The following BICC1 variants were observed in gnomAD, a reference collection of about 807,000 sequenced individuals.
The protein encoded by BICC1 is protein bicaudal C homolog 1.
A neutral mutation model predicts 111.0 loss-of-function variants in BICC1; 43 were observed. That is an observed-to-expected ratio of 0.39 (90% CI 0.30 to 0.50). BICC1 has a LOEUF of 0.50. Ranked by LOEUF, BICC1 falls within the 20% of genes least tolerant of loss-of-function variation. BICC1 has a pLI of 0.88. For synonymous variants in BICC1, 467 were observed against 434.4 expected (o/e 1.07, Z -0.93); for missense variants, 1,091 against 1,203.2 (o/e 0.91, Z 1.38).
At chr10:58,817,341 A>G (rs1478418684) in intron 18 of BICC1, among the ~76,000 whole-genome samples, 2 of 152,158 alleles carry the variant, frequency 1.3e-5, no homozygotes, top group Admixed American at 1.3e-4. Context: ...TCTGCCTCCC[A>G]AGTGTAACCT....
At chr10:58,779,078 C>T (rs1232222162) in intron 3 of BICC1, among the ~76,000 whole-genome samples, 4 of 151,952 alleles carry the variant, frequency 2.6e-5, no homozygotes, top group Non-Finnish European at 5.9e-5. Context: ...GTTATTTGGC[C>T]CATGTACAGT....
intron 3 of BICC1, among the ~76,000 whole-genome samples, chr10:58,740,606 A>G (rs977034854): frequency 6.6e-6 from 1 of 152,172 alleles, no homozygotes; most frequent in African/African-American, 2.4e-5. Flanking sequence ...GAAAAGAAAA[A>G]AAACCTCTTT....
At chr10:58,732,187 G>A (rs1362123562) in intron 3 of BICC1, among the ~76,000 whole-genome samples, 1 of 150,768 alleles carries the variant, frequency 6.6e-6, no homozygotes, top group Non-Finnish European at 1.5e-5. Context: ...AGCCATTGTA[G>A]GGTTATTAAT....
At chr10:58,693,910 G>A (rs574807483) in intron 2 of BICC1, among the ~76,000 whole-genome samples, 1 of 152,166 alleles carries the variant, frequency 6.6e-6, no homozygotes, top group Non-Finnish European at 1.5e-5. Context: ...CATTGCTTTT[G>A]GTGTTTTAGA....
chr10:58,827,219 T>C (rs762282598), intron 20 of BICC1, among the ~76,000 whole-genome samples: 10 of 152,288 alleles, frequency 6.6e-5, no homozygotes, highest in Admixed American at 1.3e-4. Context: ...GAAAGGATTG[T>C]CAAGGTTGTA....
At chr10:58,573,627 T>G (rs1366356593) in intron 1 of BICC1, among the ~76,000 whole-genome samples, 2 of 152,130 alleles carry the variant, frequency 1.3e-5, no homozygotes, top group Non-Finnish European at 2.9e-5. Context: ...AATCTCGCAA[T>G]GAATTCTGCC....
At chr10:58,807,231 C>T in intron 17 of BICC1, 73 bp downstream of exon 17, 1 of 1,430,406 alleles carries the variant, frequency 7.0e-7, no homozygotes, top group South Asian at 1.4e-5. Context: ...TTCCCCCACC[C>T]TCATTCTTTA....
chr10:58,680,295 T>G (rs1307785371), intron 2 of BICC1, among the ~76,000 whole-genome samples: 1 of 152,206 alleles, frequency 6.6e-6, no homozygotes, highest in East Asian at 1.9e-4. Context: ...CCCCGTCATC[T>G]CAGCCCAAAA....
chr10:58,721,436 C>T (rs1020488741), intron 3 of BICC1, among the ~76,000 whole-genome samples: 3 of 152,082 alleles, frequency 2.0e-5, no homozygotes, highest in African/African-American at 4.8e-5. Flanking sequence ...GGGATTCTTT[C>T]CCAGGTTAAT....
chr10:58,751,661 A>G (rs1229815385), intron 3 of BICC1, among the ~76,000 whole-genome samples: 1 of 152,190 alleles, frequency 6.6e-6, no homozygotes, highest in African/African-American at 2.4e-5. Flanking sequence ...AGCCCAAAAT[A>G]TAACTGTTTC....
chr10:58,700,442 C>G (rs1406873293), intron 2 of BICC1, among the ~76,000 whole-genome samples: 1 of 152,002 alleles, frequency 6.6e-6, no homozygotes, highest in Non-Finnish European at 1.5e-5. Flanking sequence ...CTTAACTAAC[C>G]AAGTTAATGG....
chr10:58,820,357 T>C lies in BICC1; in HGVS notation c.2695-12T>C. 1 of 1,588,380 alleles carries C rather than the reference T, an allele frequency of 6.3e-7. No homozygotes were observed. The highest frequency in any genetic ancestry group is 8.6e-7 in the Non-Finnish European group (1 of 1,157,332). On this transcript the variant is annotated splice_polypyrimidine_tract_variant and intron_variant, in intron 19 of 20. Transcript: ENST00000373886. ...TAATACATTGGTTATAGATTGACCT[T>C]TCTACCCACAGATCGATCTTCAGAC...
intron 1 of BICC1, among the ~76,000 whole-genome samples, chr10:58,595,882 A>G (rs987471216): frequency 6.6e-6 from 1 of 152,152 alleles, no homozygotes; most frequent in Non-Finnish European, 1.5e-5. Flanking sequence ...ACTGAAGGAT[A>G]TAGAGACATG....
intron 1 of BICC1, among the ~76,000 whole-genome samples, chr10:58,597,090 A>T (rs376847981): frequency 6.6e-6 from 1 of 152,198 alleles, no homozygotes; most frequent in African/African-American, 2.4e-5. Context: ...CAATATTTCA[A>T]TGTAAGTTCT....
At chr10:58,711,249 G>A (rs1840562577) in intron 3 of BICC1, among the ~76,000 whole-genome samples, 1 of 152,194 alleles carries the variant, frequency 6.6e-6, no homozygotes, top group Admixed American at 6.5e-5. Flanking sequence ...AGTTGAATAA[G>A]TTGTATGCAA....
chr10:58,672,923 T>C (rs1839226447), intron 2 of BICC1, among the ~76,000 whole-genome samples: 2 of 152,190 alleles, frequency 1.3e-5, no homozygotes, highest in African/African-American at 4.8e-5. Flanking sequence ...GTTGAGAAGC[T>C]AAAGATTCAC....
chr10:58,777,959 C>G (rs1445741934), intron 3 of BICC1, among the ~76,000 whole-genome samples: 1 of 151,994 alleles, frequency 6.6e-6, no homozygotes, highest in Non-Finnish European at 1.5e-5. Flanking sequence ...GTAGCTCATG[C>G]CTGTAATCTT....
chr10:58,804,114 C>T (rs1185236777), intron 15 of BICC1, among the ~76,000 whole-genome samples: 1 of 152,068 alleles, frequency 6.6e-6, no homozygotes, highest in African/African-American at 2.4e-5. Flanking sequence ...CAGTTTAGTC[C>T]TCCTTCTCTA....
rs750962500 is a variant in BICC1, at chr10:58,582,317, T to C, written c.191-38538T>C. On this transcript the variant is annotated intron_variant, in intron 1 of 20. Coordinates refer to ENST00000373886, the MANE Select transcript of BICC1 (RefSeq NM_001080512.3). ...ACATTCTTACTAACATGATGTGGTCTTTTTGACCTTTGTTAATCTAATAAA... is the reference window on the plus strand; with the variant it reads ...ACATTCTTACTAACATGATGTGGTCCTTTTGACCTTTGTTAATCTAATAAA... Among the ~76,000 whole-genome samples, 110 of 152,342 alleles carry C rather than the reference T, an allele frequency of 7.2e-4. 1 individual carries two copies. The highest frequency in any genetic ancestry group is 3.8e-3 in the Admixed American group (58 of 15,298).
Sources: allele counts gnomAD v4.1 joint callset (sites outside exome capture counted in the v4.1 genomes callset), GRCh38; gene constraint gnomAD v4.1.1; transcripts MANE v1.5; gene names NCBI Gene and HGNC (gene_info 2026-07-23, HGNC 2026-07-21).